STEAP4: variants seen among roughly 807,000 people sequenced by gnomAD.
STEAP4 encodes the protein STEAP4 metalloreductase.
A neutral mutation model predicts 43.6 loss-of-function variants in STEAP4; 36 were observed. That is an observed-to-expected ratio of 0.83 (90% CI 0.63 to 1.09). The LOEUF (loss-of-function observed/expected upper bound fraction) is 1.09. STEAP4 is among the 50% of genes least tolerant of loss of function. The probability of loss-of-function intolerance (pLI) is 0.00; values close to 1 mark genes in which losing one functional copy is unlikely to be tolerated. For missense variants in STEAP4, 495 were observed against 546.5 expected (o/e 0.91, Z 0.94); for synonymous variants, 191 against 196.7 (o/e 0.97, Z 0.24).
chr7:88,300,194 T>C lies in STEAP4; in HGVS notation c.-3+6598A>G, dbSNP rs1428330751. Reference sequence around the variant, plus strand: ...TTTAAAATAAACAGCTCTTTCTTTTTAGTTTCAAGGTTTTTATTTTATTTT... The same window carrying C: ...TTTAAAATAAACAGCTCTTTCTTTTCAGTTTCAAGGTTTTTATTTTATTTT... On this transcript the variant is annotated intron_variant, in intron 1 of 4. Coordinates refer to ENST00000380079, the MANE Select transcript of STEAP4 (RefSeq NM_024636.4). Among the ~76,000 whole-genome samples the C allele has an allele frequency of 3.3e-5, 5 of 152,240 alleles. No individual in the cohort carries two copies. The East Asian group carries it at 9.6e-4, about 29-fold the overall frequency.
At position 88,283,840 on chromosome 7, in the gene STEAP4, A is replaced by C. The variant is rs769191466; in HGVS notation, c.430T>G (p.Ser144Ala). 1.9e-6 allele frequency: 3 copies of C among 1,613,816 alleles called. No individual in the cohort carries two copies. The highest frequency in any genetic ancestry group is 8.5e-7 in the Non-Finnish European group (1 of 1,179,842). ...FNTISAWALQ[S>A]GALDASRQVF... ...TGCCGACTTGCATCCAGTGCTCCTGACTGGAGAGCCCAGGCTGAGATGGTG... is the reference window on the plus strand; with the variant it reads ...TGCCGACTTGCATCCAGTGCTCCTGCCTGGAGAGCCCAGGCTGAGATGGTG... Residue 144 changes from serine (S) to alanine (A), a missense_variant, in exon 2 of 5, where the codon TCA (serine) becomes GCA (alanine). Physicochemically the swap from Ser to Ala is moderately conservative, Grantham distance 99. Transcript: ENST00000380079.
At position 88,272,085 on chromosome 7, in the gene STEAP4, T is replaced by C. The variant is rs1852444478; in HGVS notation, c.*7313A>G. On this transcript the variant is annotated 3_prime_UTR_variant, in exon 5 of 5. Transcript: ENST00000380079. ...CTCTACAAGCTGAAAGCTGGTGGTA[T>C]GAATGCTGGTACCTCTTTGCCTGTG... The C allele has an allele frequency of 6.6e-6, 1 of 152,250 alleles. No homozygotes were observed. The allele number at this position is 152,250 out of a possible 1,614,324, so 9.4% of individuals were successfully genotyped here.
intron 1 of STEAP4, among the ~76,000 whole-genome samples, chr7:88,305,750 T>C (rs1853118876): frequency 6.6e-6 from 1 of 152,026 alleles, no homozygotes; most frequent in Non-Finnish European, 1.5e-5. Flanking sequence ...ATTTCAAACT[T>C]GCAGGCATCT....
At chr7:88,292,794 C>G (rs985673011) in intron 1 of STEAP4, 1 of 152,178 alleles carries the variant, frequency 6.6e-6, no homozygotes, top group African/African-American at 2.4e-5. Flanking sequence ...CACAGTAATG[C>G]AAGCCTTTTG....
At chr7:88,287,064 G>GC (rs1746449287) in intron 1 of STEAP4, among the ~76,000 whole-genome samples, 1 of 152,120 alleles carries the variant, frequency 6.6e-6, no homozygotes, top group African/African-American at 2.4e-5. Context: ...CTCCAGAGAG[G>GC]CCAATAAATC....
At chr7:88,290,588 G>C (rs2115987057) in intron 1 of STEAP4, among the ~76,000 whole-genome samples, 1 of 152,206 alleles carries the variant, frequency 6.6e-6, no homozygotes, top group South Asian at 2.1e-4. Context: ...TCTGGTTCCA[G>C]GCCTCTTTCA....
chr7:88,301,862 C>T (rs947683197), intron 1 of STEAP4, among the ~76,000 whole-genome samples: 29 of 152,274 alleles, frequency 1.9e-4, no homozygotes, highest in African/African-American at 5.3e-4. Flanking sequence ...AGGCGTGAGC[C>T]GCCGTGTTTG....
Position 88,274,335 on chromosome 7 carries a change from A to G in STEAP4, c.*5063T>C, listed in dbSNP as rs1011523112. The G allele has an allele frequency of 2.6e-5, 4 of 152,260 alleles. No homozygotes were observed. The East Asian group carries it at 7.7e-4, about 29-fold the overall frequency. The allele number at this position is 152,260 out of a possible 1,614,324, so 9.4% of individuals were successfully genotyped here. On this transcript the variant is annotated 3_prime_UTR_variant, in exon 5 of 5. Transcript: ENST00000380079. ...CCTTCCAAAATTCCCTTACAGCAGAAAGCAAGTAGTACTGGATCCTTTTGG... is the reference window on the plus strand; with the variant it reads ...CCTTCCAAAATTCCCTTACAGCAGAGAGCAAGTAGTACTGGATCCTTTTGG...
chr7:88,278,660 CAAG>C lies in STEAP4; in HGVS notation c.*735_*737del. ...CTTATTGCACAATGCAAGTGAAATC[CAAG>C]GGGATATCCCTCCATTTTTATTCAG... On this transcript the variant is annotated 3_prime_UTR_variant, in exon 5 of 5. Transcript: ENST00000380079. The C allele has an allele frequency of 6.6e-6, 1 of 152,234 alleles. No individual in the cohort carries two copies. The highest frequency in any genetic ancestry group is 2.1e-4 in the South Asian group (1 of 4,832). The allele number at this position is 152,234 out of a possible 1,614,324, so 9.4% of individuals were successfully genotyped here. A position where few individuals can be genotyped will look rare whatever the true frequency, so the allele number is the denominator to read the frequency against.
At chr7:88,306,055 G>A (rs2116046041) in intron 1 of STEAP4, among the ~76,000 whole-genome samples, 1 of 152,284 alleles carries the variant, frequency 6.6e-6, no homozygotes, top group South Asian at 2.1e-4. Context: ...TTTTAGTAGA[G>A]ACTGGGTTGC....
At chr7:88,295,642 G>A (rs189996094) in intron 1 of STEAP4, among the ~76,000 whole-genome samples, 12 of 152,152 alleles carry the variant, frequency 7.9e-5, no homozygotes, top group African/African-American at 1.4e-4. Context: ...CTGAGGAGCC[G>A]TTAAAATGCT....
At chr7:88,290,666 C>A (rs2115987292) in intron 1 of STEAP4, among the ~76,000 whole-genome samples, 1 of 152,232 alleles carries the variant, frequency 6.6e-6, no homozygotes, top group South Asian at 2.1e-4. Flanking sequence ...CATTGTGCAA[C>A]CCTTGCTGAC....
In STEAP4 at chr7:88,279,447, T is replaced by C. The variant is rs1852573655; in HGVS notation, c.1331A>G (p.Asn444Ser). 1 of 1,614,024 alleles carries C rather than the reference T, an allele frequency of 6.2e-7. No individual in the cohort carries two copies. The highest frequency in any genetic ancestry group is 1.7e-5 in the Admixed American group (1 of 59,986). The change falls in exon 5 of 5, where the codon AAC (asparagine) becomes AGC (serine). Residue 444 changes from asparagine (N) to serine (S), a missense_variant. Transcript: ENST00000380079. Reference sequence around the variant, plus strand: ...GCCCTGGCGGATCCTTGTAAGGGTGTTGTCTACACATGGCATGATTAGGAC... The same window carrying C: ...GCCCTGGCGGATCCTTGTAAGGGTGCTGTCTACACATGGCATGATTAGGAC... ...KFVLIMPCVD[N>S]TLTRIRQGWE...
intron 1 of STEAP4, chr7:88,292,459 C>T (rs1852851181): frequency 6.6e-6 from 1 of 152,090 alleles, no homozygotes; most frequent in Non-Finnish European, 1.5e-5. Flanking sequence ...ATAAATCAAT[C>T]AAACTTTTGT....
chr7:88,285,073 C>T (rs10252956), intron 1 of STEAP4, among the ~76,000 whole-genome samples: 285 of 152,062 alleles, frequency 1.9e-3, no homozygotes, highest in African/African-American at 6.7e-3. Context: ...AAAGGGATTC[C>T]AGATGATCGA....
At chr7:88,293,476 T>A (rs1852874669) in intron 1 of STEAP4, among the ~76,000 whole-genome samples, 1 of 152,178 alleles carries the variant, frequency 6.6e-6, no homozygotes, top group African/African-American at 2.4e-5. Flanking sequence ...ATGTCCAATT[T>A]ATTTAATTTT....
intron 1 of STEAP4, among the ~76,000 whole-genome samples, chr7:88,289,460 GCA>G (rs2115983124): frequency 6.6e-6 from 1 of 152,322 alleles, no homozygotes; most frequent in Admixed American, 6.5e-5. Flanking sequence ...CATGCAGATT[GCA>G]CAGTGTATGT....
At chr7:88,297,751 TG>T (rs1852947643) in intron 1 of STEAP4, among the ~76,000 whole-genome samples, 1 of 152,096 alleles carries the variant, frequency 6.6e-6, no homozygotes, top group Middle Eastern at 3.2e-3. Flanking sequence ...GAACTAACTG[TG>T]GTAGCAAAGG....
Position 88,283,863 on chromosome 7 carries a change from G to A in STEAP4, c.407C>T (p.Thr136Ile), listed in dbSNP as rs891699492. Residue 136 changes from threonine (T) to isoleucine (I), a missense_variant, in exon 2 of 5, where the codon ACC (threonine) becomes ATC (isoleucine). Physicochemically the swap from Thr to Ile is moderately conservative, Grantham distance 89 (BLOSUM62 -1). Transcript: ENST00000380079. Reference sequence around the variant, plus strand: ...TGACTGGAGAGCCCAGGCTGAGATGGTGTTAAATGCTTTTACCACGTGGGC... The same window carrying A: ...TGACTGGAGAGCCCAGGCTGAGATGATGTTAAATGCTTTTACCACGTGGGC... ...PGAHVVKAFN[T>I]ISAWALQSGA... 6.2e-7 allele frequency: 1 copy of A among 1,614,132 alleles called. No individual in the cohort carries two copies. Among genetic ancestry groups the A allele is most frequent in the Admixed American group, 1.7e-5 (1 of 60,006 alleles).
Sources: gnomAD v4.1 joint callset for allele counts (sites outside exome capture counted in the v4.1 genomes callset) on GRCh38, gnomAD v4.1.1 for gene constraint, MANE v1.5 for transcripts, NCBI Gene and HGNC (gene_info 2026-07-23, HGNC 2026-07-21) for gene names.